The following STEAP1B variants were observed in gnomAD, a reference collection of about 807,000 sequenced individuals.
The protein encoded by STEAP1B is STEAP family member 1B, also known as STEAP family protein MGC87042.
In STEAP1B, 13 loss-of-function variants were observed where a neutral mutation model predicts 27.9. The observed-to-expected ratio is 0.47, with a 90% confidence interval of 0.30 to 0.74. STEAP1B has a LOEUF of 0.74. Ranked by LOEUF, STEAP1B falls within the 30% of genes least tolerant of loss-of-function variation. The probability of loss-of-function intolerance (pLI) is 0.06; values close to 1 mark genes in which losing one functional copy is unlikely to be tolerated. For synonymous variants in STEAP1B, 86 were observed against 107.1 expected (o/e 0.80, Z 1.22); for missense variants, 250 against 298.7 (o/e 0.84, Z 1.20).
At chr7:22,452,133 T>C (rs1178921690) in intron 4 of STEAP1B, among the ~76,000 whole-genome samples, 3 of 152,098 alleles carry the variant, frequency 2.0e-5, no homozygotes, top group East Asian at 1.9e-4. Context: ...AAGTTTAAGA[T>C]ATAATTGAGG....
At chr7:22,480,862 T>C (rs556497371) in intron 4 of STEAP1B, among the ~76,000 whole-genome samples, 82 of 152,300 alleles carry the variant, frequency 5.4e-4, no homozygotes, top group South Asian at 1.9e-3. Context: ...TTAAGCCCCA[T>C]ACTCAAGAAA....
rs1208344924 is a variant in STEAP1B at position 22,493,722 on chromosome 7, G to A, written c.199C>T (p.Leu67Phe). 2 of 1,613,862 alleles carry A rather than the reference G, an allele frequency of 1.2e-6. No individual in the cohort carries two copies. The highest frequency in any genetic ancestry group is 1.7e-6 in the Non-Finnish European group (2 of 1,179,874). ...ATTGGCAAGTGCCACTGTGGAAAGA[G>A]TTCCTGTGCGTGCTGAAGTTCTGAA... ...CPSELQHAQE[L>F]FPQWHLPIKI... The change falls in exon 3 of 5, where the codon CTC (leucine) becomes TTC (phenylalanine). Residue 67 changes from leucine to phenylalanine, a missense_variant. Coordinates refer to ENST00000678116, the MANE Select transcript of STEAP1B (RefSeq NM_001382447.1).
intron 4 of STEAP1B, among the ~76,000 whole-genome samples, chr7:22,455,108 C>T (rs1424354693): frequency 2.6e-5 from 4 of 152,040 alleles, no homozygotes; most frequent in African/African-American, 4.8e-5. Flanking sequence ...CGTGATCCAC[C>T]TGCCTCGGCC....
chr7:22,477,335 C>G (rs983287796), intron 4 of STEAP1B, among the ~76,000 whole-genome samples: 2 of 152,262 alleles, frequency 1.3e-5, no homozygotes, highest in South Asian at 4.1e-4. Context: ...CTGATGGCTT[C>G]CTATTAATGC....
chr7:22,471,379 G>C (rs1315495788), intron 4 of STEAP1B, among the ~76,000 whole-genome samples: 5 of 152,182 alleles, frequency 3.3e-5, no homozygotes, highest in Admixed American at 2.6e-4. Flanking sequence ...ATCCCTGAAA[G>C]TGTAAACTGC....
At chr7:22,436,425 A>G (rs866777676) in intron 4 of STEAP1B, among the ~76,000 whole-genome samples, 1 of 151,638 alleles carries the variant, frequency 6.6e-6, no homozygotes, top group Admixed American at 6.6e-5. Context: ...ATTTTTTTAA[A>G]TTTAAGTTCA....
chr7:22,456,287 A>G (rs1034572920), intron 4 of STEAP1B, among the ~76,000 whole-genome samples: 1 of 152,236 alleles, frequency 6.6e-6, no homozygotes, highest in African/African-American at 2.4e-5. Flanking sequence ...TTAGAATCAG[A>G]TTGTCTTCCT....
intron 4 of STEAP1B, among the ~76,000 whole-genome samples, chr7:22,456,371 C>A (rs1583640081): frequency 6.6e-6 from 1 of 152,178 alleles, no homozygotes; most frequent in East Asian, 1.9e-4. Flanking sequence ...CCAGTGGCAA[C>A]TCTCCTTCCC....
rs562562834 is a variant in STEAP1B at position 22,488,880 on chromosome 7, G to C, written c.762+3685C>G. On this transcript the variant is annotated intron_variant, in intron 4 of 4. Coordinates refer to ENST00000678116, the MANE Select transcript of STEAP1B (RefSeq NM_001382447.1). ...AGGCTGAGAAGGCTCTTAGAAATAA[G>C]CCAGGAAGGTCTTACATCTTGCCAC... Among the ~76,000 whole-genome samples, 31 of 152,290 alleles carry C rather than the reference G, an allele frequency of 2.0e-4. No individual in the cohort carries two copies. The South Asian group carries it at 6.4e-3, about 32-fold the overall frequency.
At chr7:22,429,962 A>G (rs1340790958) in intron 4 of STEAP1B, among the ~76,000 whole-genome samples, 1 of 152,236 alleles carries the variant, frequency 6.6e-6, no homozygotes, top group Non-Finnish European at 1.5e-5. Context: ...CCTTGAGGTA[A>G]TGGAGATAAT....
chr7:22,485,942 C>T (rs1362684309), intron 4 of STEAP1B, among the ~76,000 whole-genome samples: 1 of 152,142 alleles, frequency 6.6e-6, no homozygotes, highest in Non-Finnish European at 1.5e-5. Flanking sequence ...TTAAGAACCA[C>T]CGGTTAAGAG....
At chr7:22,462,221 T>C (rs1054738740) in intron 4 of STEAP1B, among the ~76,000 whole-genome samples, 5 of 152,182 alleles carry the variant, frequency 3.3e-5, no homozygotes, top group African/African-American at 1.2e-4. Flanking sequence ...TCTTTTCTCT[T>C]TTTTTAAAAT....
At chr7:22,460,404 G>C (rs1785659446) in intron 4 of STEAP1B, among the ~76,000 whole-genome samples, 1 of 151,758 alleles carries the variant, frequency 6.6e-6, no homozygotes, top group South Asian at 2.1e-4. Flanking sequence ...GAGCATTCAA[G>C]GAAGGACAAA....
intron 4 of STEAP1B, among the ~76,000 whole-genome samples, chr7:22,478,589 C>T (rs1168979465): frequency 6.6e-6 from 1 of 152,156 alleles, no homozygotes; most frequent in East Asian, 1.9e-4. Context: ...TGTTAAGCCT[C>T]TCTGGGTCTG....
intron 4 of STEAP1B, among the ~76,000 whole-genome samples, chr7:22,437,829 A>C (rs1039095868): frequency 5.3e-5 from 8 of 152,172 alleles, no homozygotes; most frequent in African/African-American, 1.9e-4. Flanking sequence ...CTGTGGTTTT[A>C]ATTTGCGTAA....
At chr7:22,482,939 T>A (rs529232837) in intron 4 of STEAP1B, among the ~76,000 whole-genome samples, 13 of 152,170 alleles carry the variant, frequency 8.5e-5, no homozygotes, top group Non-Finnish European at 1.0e-4. Flanking sequence ...GATTTGTAAG[T>A]AGGGCTTCCA....
intron 1 of STEAP1B, among the ~76,000 whole-genome samples, chr7:22,498,169 A>G (rs1382540173): frequency 6.6e-6 from 1 of 152,164 alleles, no homozygotes; most frequent in Non-Finnish European, 1.5e-5. Flanking sequence ...CCAGTTCCTA[A>G]CAGGACACTG....
chr7:22,482,048 G>A lies in STEAP1B; in HGVS notation c.762+10517C>T, dbSNP rs10227640. On this transcript the variant is annotated intron_variant, in intron 4 of 4. Coordinates refer to ENST00000678116, the MANE Select transcript of STEAP1B (RefSeq NM_001382447.1). ...CTGGAAACTGACTGCTCCCCACAGG[G>A]GCCAGGCAGAGCCATGTCTGGGTCT... 3.2e-3 allele frequency among the ~76,000 whole-genome samples: 487 copies of A among 152,118 alleles called. 4 individuals are homozygous for A. Among genetic ancestry groups the A allele is most frequent in the African/African-American group, 0.011 (470 of 41,484 alleles).
At chr7:22,494,487 G>C (rs532510972) in intron 2 of STEAP1B, among the ~76,000 whole-genome samples, 1 of 151,792 alleles carries the variant, frequency 6.6e-6, no homozygotes, top group African/African-American at 2.4e-5. Context: ...AAGGGCCTTG[G>C]GGATGATCTG....
Sources: gnomAD v4.1 joint callset for allele counts (sites outside exome capture counted in the v4.1 genomes callset) on GRCh38, gnomAD v4.1.1 for gene constraint, MANE v1.5 for transcripts, NCBI Gene and HGNC (gene_info 2026-07-23, HGNC 2026-07-21) for gene names.